UNC13A: variants seen among roughly 807,000 people sequenced by gnomAD.
The protein encoded by UNC13A is unc-13 homolog A, also known as protein unc-13 homolog A.
Under a neutral mutation model 219.7 loss-of-function variants are expected in UNC13A, and 61 were observed. The ratio of observed to expected loss-of-function variants is 0.28; its 90% CI spans 0.23 to 0.34. The LOEUF (loss-of-function observed/expected upper bound fraction) is 0.34. UNC13A is among the 10% of genes least tolerant of loss of function. The pLI is 1.00. For missense variants in UNC13A, 1,476 were observed against 2,270.3 expected (o/e 0.65, Z 7.11); for synonymous variants, 920 against 884.6 (o/e 1.04, Z -0.71).
intron 41 of UNC13A, chr19:17,616,519 G>A (rs1046903077): frequency 1.2e-5 from 8 of 655,060 alleles, no homozygotes; most frequent in Admixed American, 2.1e-5. Flanking sequence ...GGGGAGCGGG[G>A]AGAGACGAGC....
Position 17,627,246 on chromosome 19 carries a change from C to T in UNC13A, c.3920+263G>A, listed in dbSNP as rs1479135016. 6.6e-6 allele frequency among the ~76,000 whole-genome samples: 1 copy of T among 152,000 alleles called. No homozygotes were observed. The highest frequency in any genetic ancestry group is 1.5e-5 in the Non-Finnish European group (1 of 67,996). ...ATTTGCCCGCATTGTTCATTTCATT[C>T]TCAAAATCCTACCCAGGTACTATTA... On this transcript the variant is annotated intron_variant, in intron 33 of 43. Coordinates refer to ENST00000519716, the MANE Select transcript of UNC13A (RefSeq NM_001080421.3). The surrounding 1 kb of genome is among the most constrained non-coding windows in gnomAD (Gnocchi z 4.7).
chr19:17,637,535 T>C (rs2076925723), intron 25 of UNC13A, among the ~76,000 whole-genome samples: 1 of 151,870 alleles, frequency 6.6e-6, no homozygotes, highest in Non-Finnish European at 1.5e-5. Context: ...CCTGACCTCA[T>C]GATCCACCCA....
chr19:17,670,893 G>C (rs942170463), intron 4 of UNC13A, among the ~76,000 whole-genome samples: 1 of 141,874 alleles, frequency 7.0e-6, no homozygotes, highest in Admixed American at 7.0e-5. Flanking sequence ...GACAGAGTGA[G>C]ACTCCATCTC....
intron 16 of UNC13A, 132 bp downstream of exon 16, chr19:17,648,299 T>A: frequency 1.8e-5 from 7 of 378,484 alleles, no homozygotes; most frequent in Non-Finnish European, 2.0e-5. Flanking sequence ...CTCCCCTGCC[T>A]CACGACGCCC....
intron 1 of UNC13A, among the ~76,000 whole-genome samples, chr19:17,680,889 CTTTTTT>C (rs375785182): frequency 1.2e-3 from 60 of 48,694 alleles, no homozygotes; most frequent in Middle Eastern, 0.021. Flanking sequence ...CTTTTCTTTT[CTTTTTT>C]TTTTTTTTTT....
intron 37 of UNC13A, 41 bp from the exon 38 acceptor site, chr19:17,620,763 G>C: frequency 6.2e-7 from 1 of 1,609,928 alleles, no homozygotes; most frequent in African/African-American, 1.3e-5. Context: ...TCTGGTGACT[G>C]TTGGGAGGAT....
intron 40 of UNC13A, among the ~76,000 whole-genome samples, chr19:17,618,052 C>T (rs901868160): frequency 6.6e-6 from 1 of 152,216 alleles, no homozygotes; most frequent in African/African-American, 2.4e-5. Flanking sequence ...GCTTCTCCCA[C>T]CTTGGGCTCG....
chr19:17,643,049 T>G (rs1052032304), intron 19 of UNC13A, 89 bp from the exon 20 acceptor site: 3 of 1,048,260 alleles, frequency 2.9e-6, no homozygotes, highest in Non-Finnish European at 2.8e-6. Context: ...CTTGCTCTTG[T>G]CACCCAGGCT....
intron 6 of UNC13A, among the ~76,000 whole-genome samples, chr19:17,667,320 G>A (rs540699728): frequency 3.3e-5 from 5 of 152,096 alleles, no homozygotes; most frequent in African/African-American, 9.6e-5. Flanking sequence ...GGAGGGAGCA[G>A]GACAAGAGTG....
Position 17,606,394 on chromosome 19 carries a change from A to G in UNC13A, c.4812-40T>C, listed in dbSNP as rs986012516. 3 of 1,531,602 alleles carry G rather than the reference A, an allele frequency of 2.0e-6. No homozygotes were observed. In the South Asian group the frequency reaches 3.6e-5, roughly 18 times the overall value. 94.9% of individuals were successfully genotyped at this position (1,531,602 alleles called of 1,614,324 possible). ...GCGGAACGTGAGACAGGCCACACCTACTGTGATGCCCCGCCCACGGCCCCG... is the reference window on the plus strand; with the variant it reads ...GCGGAACGTGAGACAGGCCACACCTGCTGTGATGCCCCGCCCACGGCCCCG... On this transcript the variant is annotated intron_variant, in intron 43 of 43. Transcript: ENST00000519716.
chr19:17,629,380 G>T, intron 30 of UNC13A, 57 bp from the exon 31 acceptor site: 1 of 1,505,782 alleles, frequency 6.6e-7, no homozygotes, highest in Non-Finnish European at 9.1e-7. Flanking sequence ...GCAGGCGCCA[G>T]TCGTCCCATC....
chr19:17,618,452 G>A lies in UNC13A; in HGVS notation c.4379C>T (p.Ala1460Val), dbSNP rs1237421915. 1.6e-5 allele frequency: 25 copies of A among 1,591,526 alleles called. No homozygotes were observed. Among genetic ancestry groups the A allele is most frequent in the East Asian group, 2.3e-5 (1 of 43,928 alleles). Residue 1460 changes from alanine (A) to valine (V), a missense_variant, in exon 40 of 44, where the codon GCG becomes GTG. Around this residue, in one of 14 missense-constraint regions of UNC13A, gnomAD observed 75 missense variants for 100.2 expected, o/e 0.75. Coordinates refer to ENST00000519716, the MANE Select transcript of UNC13A (RefSeq NM_001080421.3). ...GGTGTCCAGGGCCAACTCAACAACC[G>A]CGCACTGCTTTGGGGTCAAGCTCTT... is the stretch of plus-strand genomic sequence containing the variant. ...EAKSLTPKQC[A>V]VVELALDTIK...
chr19:17,641,277 C>T, intron 21 of UNC13A, 116 bp downstream of exon 21: 1 of 1,350,346 alleles, frequency 7.4e-7, no homozygotes, highest in Non-Finnish European at 1.0e-6. Flanking sequence ...AACCCACCAC[C>T]ACCACGCCCA....
chr19:17,652,595 A>G (rs752067631), intron 12 of UNC13A, 36 bp downstream of exon 12: 11 of 1,613,620 alleles, frequency 6.8e-6, no homozygotes, highest in Non-Finnish European at 7.6e-6. Context: ...TTGGGGTTCA[A>G]ATCTTCCTCC....
At chr19:17,608,852 T>C (rs1210119734) in intron 43 of UNC13A, among the ~76,000 whole-genome samples, 1 of 151,976 alleles carries the variant, frequency 6.6e-6, no homozygotes, top group East Asian at 1.9e-4. Flanking sequence ...AGTTTCACCA[T>C]GTTGGCCAGG....
intron 35 of UNC13A, among the ~76,000 whole-genome samples, chr19:17,624,549 T>G (rs1416393970): frequency 6.6e-6 from 1 of 152,208 alleles, no homozygotes; most frequent in Non-Finnish European, 1.5e-5. Context: ...GTCTCTTGAC[T>G]CTACCTGATG....
intron 29 of UNC13A, 86 bp downstream of exon 29, chr19:17,630,568 G>A (rs1315178616): frequency 5.0e-6 from 7 of 1,401,506 alleles, no homozygotes; most frequent in Non-Finnish European, 7.1e-6. Context: ...ACCTACCAGA[G>A]ACTGGCCTCA....
chr19:17,637,101 A>G (rs957035946), intron 25 of UNC13A, among the ~76,000 whole-genome samples: 2 of 150,526 alleles, frequency 1.3e-5, no homozygotes, highest in African/African-American at 4.9e-5. Context: ...CTCAGCCTCC[A>G]AAGTAGCCAG....
intron 41 of UNC13A, among the ~76,000 whole-genome samples, chr19:17,615,166 GGCAGT>G (rs1220580932): frequency 6.6e-6 from 1 of 152,182 alleles, no homozygotes; most frequent in African/African-American, 2.4e-5. Context: ...CCCCTCGTGG[GGCAGT>G]TAAAGAAATC....
Sources: allele counts gnomAD v4.1 joint callset (sites outside exome capture counted in the v4.1 genomes callset), GRCh38; gene constraint gnomAD v4.1.1; regional missense constraint gnomAD v4.1.1; non-coding constraint Gnocchi (gnomAD v3.1); transcripts MANE v1.5; gene names NCBI Gene and HGNC (gene_info 2026-07-23, HGNC 2026-07-21).